Variants in MYO1E observed in about 807,000 individuals in gnomAD.
The protein encoded by MYO1E is unconventional myosin-Ie.
MYO1E carries 68 observed loss-of-function variants against 151.1 expected under a neutral mutation model. The observed-to-expected ratio is 0.45, with a 90% CI of 0.37 to 0.55. The LOEUF is 0.55. Among genes scored for constraint, MYO1E ranks in the 20% least tolerant of loss-of-function variants. The pLI, the probability that MYO1E is intolerant of heterozygous loss-of-function variation, is 0.00. For missense variants in MYO1E, 1,363 were observed against 1,389.3 expected (o/e 0.98, Z 0.30); for synonymous variants, 601 against 501.7 (o/e 1.20, Z -2.64).
intron 22 of MYO1E, 31 bp downstream of exon 22, chr15:59,171,866 G>A: frequency 1.2e-6 from 2 of 1,613,928 alleles, no homozygotes; most frequent in Non-Finnish European, 1.7e-6. Flanking sequence ...GCGAGAAGGG[G>A]CAGTCCTGCC....
intron 18 of MYO1E, among the ~76,000 whole-genome samples, chr15:59,187,867 T>A (rs979812968): frequency 6.6e-6 from 1 of 152,142 alleles, no homozygotes; most frequent in African/African-American, 2.4e-5. Context: ...GGCAAATCTA[T>A]AGACAGAAGG....
chr15:59,180,058 C>G (rs928559361), intron 18 of MYO1E, among the ~76,000 whole-genome samples: 19 of 152,216 alleles, frequency 1.2e-4, no homozygotes, highest in South Asian at 1.2e-3. Context: ...GGTTGCGACT[C>G]AGGTGATTTT....
chr15:59,253,180 G>C (rs993920302), intron 4 of MYO1E, among the ~76,000 whole-genome samples: 3 of 152,210 alleles, frequency 2.0e-5, no homozygotes, highest in African/African-American at 2.4e-5. Context: ...GAGACTGCTA[G>C]GGCAACAATT....
In MYO1E at chr15:59,136,793, G is replaced by C. The variant is rs1325520305; in HGVS notation, c.*587C>G. On this transcript the variant is annotated 3_prime_UTR_variant, in exon 28 of 28. Transcript: ENST00000288235. ...AGCCCCTGACCTGCTTGGCGGCCCTGATGGTCCCGGCAAAGTGTAAACCAG... is the reference window on the plus strand; with the variant it reads ...AGCCCCTGACCTGCTTGGCGGCCCTCATGGTCCCGGCAAAGTGTAAACCAG... 2 of 455,954 alleles carry C rather than the reference G, an allele frequency of 4.4e-6. No individual in the cohort carries two copies. The highest frequency in any genetic ancestry group is 8.8e-6 in the Non-Finnish European group (2 of 226,776). The allele number at this position is 455,954 out of a possible 1,614,324, so 28.2% of individuals were successfully genotyped here. A position where few individuals can be genotyped will look rare whatever the true frequency, so the allele number is the denominator to read the frequency against.
chr15:59,156,274 T>TCCC (rs1417630823), intron 25 of MYO1E, among the ~76,000 whole-genome samples: 1 of 152,168 alleles, frequency 6.6e-6, no homozygotes, highest in Non-Finnish European at 1.5e-5. Flanking sequence ...AATCTCCACC[T>TCCC]CCCGGGTTCA....
intron 1 of MYO1E, among the ~76,000 whole-genome samples, chr15:59,277,789 G>C (rs1247595104): frequency 3.3e-5 from 5 of 152,198 alleles, no homozygotes; most frequent in African/African-American, 1.2e-4. Flanking sequence ...GATATGGAAA[G>C]AGCTTGAAGA....
chr15:59,278,701 G>A (rs1385013655), intron 1 of MYO1E, among the ~76,000 whole-genome samples: 1 of 152,086 alleles, frequency 6.6e-6, no homozygotes, highest in Non-Finnish European at 1.5e-5. Context: ...TACAATATGA[G>A]GAAAAAGTGT....
At chr15:59,334,042 A>G (rs2080713654) in intron 1 of MYO1E, among the ~76,000 whole-genome samples, 2 of 152,208 alleles carry the variant, frequency 1.3e-5, no homozygotes, top group African/African-American at 4.8e-5. Context: ...CACCTGTAAT[A>G]GCAATGTTTT....
At chr15:59,243,273 G>T (rs1405253511) in intron 4 of MYO1E, among the ~76,000 whole-genome samples, 3 of 152,018 alleles carry the variant, frequency 2.0e-5, no homozygotes, top group African/African-American at 4.8e-5. Context: ...TAGTCTAGAC[G>T]ATGAGAAATA....
Position 59,161,084 on chromosome 15 carries a change from G to A in MYO1E, c.2774C>T (p.Pro925Leu), listed in dbSNP as rs372037008. The change falls in exon 24 of 28, where the codon CCC (proline) becomes CTC (leucine). Residue 925 changes from proline to leucine, a missense_variant. Physicochemically the swap from Pro to Leu is moderately conservative, Grantham distance 98. Coordinates refer to ENST00000288235, the MANE Select transcript of MYO1E (RefSeq NM_004998.4). ...VLQVSIGPGL[P>L]KNSRPTRRNT... ...CGTGGAGCACTTACGGGAGTTCTTG[G>A]GCAGTCCAGGTCCGATGCTGACCTG... 8 of 1,613,292 alleles carry A rather than the reference G, an allele frequency of 5.0e-6. No individual in the cohort carries two copies. In the African/African-American group the frequency reaches 1.1e-4, roughly 22 times the overall value.
At chr15:59,315,845 T>C (rs1379482210) in intron 1 of MYO1E, among the ~76,000 whole-genome samples, 3 of 152,186 alleles carry the variant, frequency 2.0e-5, no homozygotes, top group South Asian at 2.1e-4. Flanking sequence ...GGTGTTTATA[T>C]TTGTCTGAGG....
rs577481769 is a variant in MYO1E at position 59,218,286 on chromosome 15, A to G, written c.911-199T>C. 1.4e-5 allele frequency: 10 copies of G among 702,338 alleles called. No individual in the cohort carries two copies. In the African/African-American group the frequency reaches 1.6e-4, roughly 11 times the overall value. The allele number at this position is 702,338 out of a possible 1,614,324, so 43.5% of individuals were successfully genotyped here. A position where few individuals can be genotyped will look rare whatever the true frequency, so the allele number is the denominator to read the frequency against. ...CACATCCATCTCCTTTGTTTTTCCC[A>G]ATTGTTTTATGACATGAGTCAATTC... On this transcript the variant is annotated intron_variant, in intron 9 of 27. Coordinates refer to ENST00000288235, the MANE Select transcript of MYO1E (RefSeq NM_004998.4).
intron 10 of MYO1E, among the ~76,000 whole-genome samples, chr15:59,215,173 C>T (rs200539073): frequency 2.6e-5 from 4 of 152,246 alleles, no homozygotes; most frequent in Non-Finnish European, 5.9e-5. Context: ...ACAAGACAAC[C>T]CTTGTTCCTA....
At chr15:59,273,730 T>A (rs1460657271) in intron 1 of MYO1E, among the ~76,000 whole-genome samples, 4 of 152,050 alleles carry the variant, frequency 2.6e-5, no homozygotes, top group Non-Finnish European at 5.9e-5. Flanking sequence ...CTAATAAATA[T>A]GAAGTAATGG....
At chr15:59,177,179 A>C (rs372414752) in intron 19 of MYO1E, among the ~76,000 whole-genome samples, 23 of 152,316 alleles carry the variant, frequency 1.5e-4, no homozygotes, top group African/African-American at 4.6e-4. Context: ...CAACATTTTC[A>C]CTTTATATTT....
intron 26 of MYO1E, among the ~76,000 whole-genome samples, 179 bp downstream of exon 26, chr15:59,153,411 G>C (rs1290425811): frequency 2.0e-5 from 3 of 152,184 alleles, no homozygotes; most frequent in African/African-American, 7.2e-5. Context: ...TAATGTGACT[G>C]TACCTTTACA....
chr15:59,240,201 G>A (rs906958489), intron 4 of MYO1E, among the ~76,000 whole-genome samples: 2 of 152,224 alleles, frequency 1.3e-5, no homozygotes, highest in African/African-American at 2.4e-5. Context: ...GTCTGGGCCC[G>A]TCTTCTGACC....
At chr15:59,303,670 C>A (rs548347713) in intron 1 of MYO1E, among the ~76,000 whole-genome samples, 1 of 152,362 alleles carries the variant, frequency 6.6e-6, no homozygotes, top group South Asian at 2.1e-4. Flanking sequence ...GAGATGGTAT[C>A]TGCGAGTAGT....
chr15:59,344,129 G>A (rs1165663501), intron 1 of MYO1E, among the ~76,000 whole-genome samples: 2 of 152,196 alleles, frequency 1.3e-5, no homozygotes, highest in Non-Finnish European at 2.9e-5. Context: ...ACAATCTGGA[G>A]TTGTTTGTAC....
Sources: gnomAD v4.1 joint callset for allele counts (sites outside exome capture counted in the v4.1 genomes callset) on GRCh38, gnomAD v4.1.1 for gene constraint, MANE v1.5 for transcripts, NCBI Gene and HGNC (gene_info 2026-07-23, HGNC 2026-07-21) for gene names.